The following DCHS2 variants were observed in gnomAD, a reference collection of about 807,000 sequenced individuals.
DCHS2 encodes dachsous cadherin-related 2.
Under a neutral mutation model 182.4 loss-of-function variants are expected in DCHS2, and 142 were observed. The observed-to-expected ratio is 0.78, with a 90% CI of 0.68 to 0.89. The LOEUF (loss-of-function observed/expected upper bound fraction) is 0.89. DCHS2 is among the 40% of genes least tolerant of loss of function. The pLI, the probability that DCHS2 is intolerant of heterozygous loss-of-function variation, is 0.00. For missense variants in DCHS2, 4,319 were observed against 4,198.6 expected (o/e 1.03, Z -0.79); for synonymous variants, 1,740 against 1,663.3 (o/e 1.05, Z -1.12).
chr4:154,242,789 A>G lies in DCHS2; in HGVS notation c.6942-17T>C, dbSNP rs374122954. On this transcript the variant is annotated splice_polypyrimidine_tract_variant and intron_variant, in intron 16 of 19. Coordinates refer to ENST00000357232, the MANE Select transcript of DCHS2 (RefSeq NM_001358235.2). The stretch of plus-strand genomic sequence containing the variant: ...ACAATCAAGCTGGTTTGGAAAAAGA[A>G]TCAAAGAATGTGATTCATCATCCAG... The G allele has an allele frequency of 3.1e-6, 5 of 1,591,296 alleles. No individual in the cohort carries two copies. Among genetic ancestry groups the G allele is most frequent in the South Asian group, 1.2e-5 (1 of 86,292 alleles).
intron 1 of DCHS2, among the ~76,000 whole-genome samples, chr4:154,474,949 T>C (rs188109515): frequency 6.6e-6 from 1 of 152,332 alleles, no homozygotes; most frequent in East Asian, 1.9e-4. Context: ...CGTTTTTATA[T>C]TATTATTGTA....
intron 10 of DCHS2, among the ~76,000 whole-genome samples, chr4:154,313,509 A>G (rs559852070): frequency 6.6e-6 from 1 of 152,180 alleles, no homozygotes; most frequent in African/African-American, 2.4e-5. Flanking sequence ...TTTTTAAAAA[A>G]ATACGTACTA....
intron 1 of DCHS2, among the ~76,000 whole-genome samples, chr4:154,421,653 C>T (rs895051326): frequency 1.3e-5 from 2 of 152,128 alleles, no homozygotes; most frequent in African/African-American, 4.8e-5. Context: ...CTTGGCCTCC[C>T]AAAGTGCTGG....
intron 3 of DCHS2, among the ~76,000 whole-genome samples, chr4:154,338,697 T>G (rs931322167): frequency 6.6e-6 from 1 of 152,196 alleles, no homozygotes; most frequent in Non-Finnish European, 1.5e-5. Flanking sequence ...AGGAAAAGAA[T>G]GGACAGTGCA....
intron 13 of DCHS2, among the ~76,000 whole-genome samples, chr4:154,288,696 T>G (rs1009596384): frequency 1.3e-5 from 2 of 152,042 alleles, no homozygotes; most frequent in African/African-American, 4.8e-5. Context: ...TGACAAAATA[T>G]TGACAATAAT....
rs748029791 is a variant in DCHS2, at chr4:154,235,892, T to G, written c.8760A>C (p.Gly2920=). The G allele has an allele frequency of 6.2e-7, 1 of 1,614,046 alleles. No homozygotes were observed. The highest frequency in any genetic ancestry group is 8.5e-7 in the Non-Finnish European group (1 of 1,179,952). ...GIDGVILYSL[G]TSSPFFSVNK... ...TTACTGAAAAGAAAGGAGATGAGGT[T>G]CCAAGGGAGTAAAGAATGACTCCAT... The change falls in exon 20 of 20, where the codon GGA becomes GGC. Residue 2920 remains glycine, a synonymous_variant. Coordinates refer to ENST00000357232, the MANE Select transcript of DCHS2 (RefSeq NM_001358235.2).
chr4:154,316,895 T>C (rs1175354732), intron 9 of DCHS2, among the ~76,000 whole-genome samples: 3 of 152,264 alleles, frequency 2.0e-5, no homozygotes, highest in African/African-American at 7.2e-5. Flanking sequence ...AAGTCAGATG[T>C]AATACATACT....
At chr4:154,361,843 T>C (rs1730138451) in intron 3 of DCHS2, among the ~76,000 whole-genome samples, 3 of 151,920 alleles carry the variant, frequency 2.0e-5, no homozygotes, top group African/African-American at 7.3e-5. Flanking sequence ...GGTTGTGGCA[T>C]AATAGATCAA....
chr4:154,391,906 T>C (rs1219850364), intron 1 of DCHS2, among the ~76,000 whole-genome samples: 1 of 152,180 alleles, frequency 6.6e-6, no homozygotes, highest in African/African-American at 2.4e-5. Context: ...GTTACATAAA[T>C]GTTAGTATTC....
chr4:154,232,552 C>G lies in DCHS2; in HGVS notation c.*1984G>C, dbSNP rs950797396. 6.6e-6 allele frequency: 1 copy of G among 152,060 alleles called. No individual in the cohort carries two copies. The highest frequency in any genetic ancestry group is 6.6e-5 in the Admixed American group (1 of 15,252). 9.4% of individuals were successfully genotyped at this position (152,060 alleles called of 1,614,324 possible). ...TTTTAAGCATAAGTAAATGAAGAAC[C>G]TGTTTAATTAAAAACAACAAAATGT... On this transcript the variant is annotated 3_prime_UTR_variant, in exon 20 of 20. Coordinates refer to ENST00000357232, the MANE Select transcript of DCHS2 (RefSeq NM_001358235.2).
At position 154,333,202 on chromosome 4, in the gene DCHS2, A is replaced by G; in HGVS notation, c.3006T>C (p.Arg1002=). 6.2e-7 allele frequency: 1 copy of G among 1,614,228 alleles called. No individual in the cohort carries two copies. The highest frequency in any genetic ancestry group is 8.5e-7 in the Non-Finnish European group (1 of 1,180,034). The change falls in exon 5 of 20, where the codon CGT becomes CGC. Residue 1002 remains arginine, a synonymous_variant. Coordinates refer to ENST00000357232, the MANE Select transcript of DCHS2 (RefSeq NM_001358235.2). ...TCCGCCCACTGTCTCTGTCTTCCGC[A>G]CGTGCGAGGTACAAGGCTGTGCCAG... is the stretch of plus-strand genomic sequence containing the variant. ...TPPGTALYLA[R]AEDRDSGRNG...
At chr4:154,455,059 A>G (rs1734707505) in intron 1 of DCHS2, among the ~76,000 whole-genome samples, 1 of 152,244 alleles carries the variant, frequency 6.6e-6, no homozygotes, top group Admixed American at 6.5e-5. Context: ...AAAAATGCAC[A>G]TATAAACTTT....
chr4:154,242,514 C>A, intron 17 of DCHS2, 128 bp downstream of exon 17: 1 of 1,323,146 alleles, frequency 7.6e-7, no homozygotes. Context: ...AAAATGAAGA[C>A]AAAAATGATC....
At chr4:154,284,038 T>C (rs888884073) in intron 13 of DCHS2, among the ~76,000 whole-genome samples, 16 of 152,136 alleles carry the variant, frequency 1.1e-4, no homozygotes, top group East Asian at 7.7e-4. Context: ...TCCAATTATC[T>C]CAAAAAACAA....
rs151054941 is a variant in DCHS2 at position 154,453,499 on chromosome 4, A to G, written c.2052+35805T>C. 4.0e-4 allele frequency among the ~76,000 whole-genome samples: 61 copies of G among 152,236 alleles called. No individual in the cohort carries two copies. The Middle Eastern group carries it at 0.02, about 51-fold the overall frequency. On this transcript the variant is annotated intron_variant, in intron 1 of 19. Coordinates refer to ENST00000357232, the MANE Select transcript of DCHS2 (RefSeq NM_001358235.2). Reference sequence around the variant, plus strand: ...CCATGCCTTCAGGATCTGTGGCAGCATCCTATCCCCAAGCCTCTCCTCGTC... The same window carrying G: ...CCATGCCTTCAGGATCTGTGGCAGCGTCCTATCCCCAAGCCTCTCCTCGTC...
At chr4:154,452,363 G>T (rs1007818546) in intron 1 of DCHS2, among the ~76,000 whole-genome samples, 5 of 152,042 alleles carry the variant, frequency 3.3e-5, no homozygotes, top group African/African-American at 9.7e-5. Context: ...AAAGGTTGAG[G>T]CTGTAATCCC....
Position 154,454,661 on chromosome 4 carries a change from C to T in DCHS2, c.2052+34643G>A, listed in dbSNP as rs576179156. Among the ~76,000 whole-genome samples the T allele has an allele frequency of 1.0e-3, 157 of 152,248 alleles. 1 individual carries two copies. The highest frequency in any genetic ancestry group is 3.8e-3 in the African/African-American group (156 of 41,548). On this transcript the variant is annotated intron_variant, in intron 1 of 19. Transcript: ENST00000357232. ...GACCCCCCTCCCATTCATTTTTAGT[C>T]TTTCCAAGTTCTTCTCCATCCCAGT...
rs1264933772 is a variant in DCHS2 at position 154,269,945 on chromosome 4, A to C, written c.6532T>G (p.Phe2178Val). The C allele has an allele frequency of 5.6e-6, 9 of 1,612,668 alleles. No homozygotes were observed. In the Admixed American group the frequency reaches 1.5e-4, roughly 27 times the overall value. ...AGAACTCCATCTTCATTTCCACTAA[A>C]AATTGAATATTTCATGCTGTCCTGA... ...SIQDSMKYSI[F>V]SGNEDGVLSL... The change falls in exon 14 of 20, where the codon TTT becomes GTT. Residue 2178 changes from phenylalanine (F) to valine (V), a missense_variant. Transcript: ENST00000357232.
chr4:154,403,440 T>C (rs1277420560), intron 1 of DCHS2, among the ~76,000 whole-genome samples: 5 of 152,230 alleles, frequency 3.3e-5, no homozygotes, highest in Non-Finnish European at 7.4e-5. Flanking sequence ...TTTCTAGTAA[T>C]GTGGCTAATT....
Sources: gnomAD v4.1 joint callset for allele counts (sites outside exome capture counted in the v4.1 genomes callset) on GRCh38, gnomAD v4.1.1 for gene constraint, MANE v1.5 for transcripts, NCBI Gene and HGNC (gene_info 2026-07-23, HGNC 2026-07-21) for gene names.